Variants in PHLDB1 observed in about 807,000 individuals in gnomAD.
The protein encoded by PHLDB1 is pleckstrin homology-like domain family B member 1.
PHLDB1 carries 65 observed loss-of-function variants against 139.3 expected under a neutral mutation model. The observed-to-expected ratio is 0.47, with a 90% CI of 0.38 to 0.57. The LOEUF (loss-of-function observed/expected upper bound fraction) is 0.57. Ranked by LOEUF, PHLDB1 falls within the 20% of genes least tolerant of loss-of-function variation. The pLI is 0.00. For synonymous variants in PHLDB1, 679 were observed against 734.5 expected, an observed-to-expected ratio of 0.92 and a Z score of 1.22; for missense variants, 1,624 against 1,839.7, an observed-to-expected ratio of 0.88 and a Z score of 2.14.
chr11:118,614,801 C>A, intron 3 of PHLDB1, 119 bp downstream of exon 3: 1 of 971,314 alleles, frequency 1.0e-6, no homozygotes, highest in South Asian at 1.6e-5. Flanking sequence ...GCTCGCCTCC[C>A]CACACCACCA....
At chr11:118,638,079 A>G (rs1555116924) in intron 10 of PHLDB1, 1 of 152,256 alleles carries the variant, frequency 6.6e-6, no homozygotes, top group Non-Finnish European at 1.5e-5. Flanking sequence ...GTCTAGTCTT[A>G]GATGATAAGT....
At chr11:118,641,299 C>A in intron 12 of PHLDB1, 1 of 156,896 alleles carries the variant, frequency 6.4e-6, no homozygotes. Context: ...CCCCTTGGGC[C>A]TGGGTGGAGC....
rs569452096 is a variant in PHLDB1, at chr11:118,645,240, G to A, written c.3122-116G>A. ...CTTAGGGAAGCTGCGGGGAGAGGGG[G>A]CTGCTCTGTGTTAACCTCTCCCTGC... On this transcript the variant is annotated intron_variant, in intron 15 of 22. Transcript: ENST00000600882. This position sits in a 1 kb window ranked among gnomAD's most constrained non-coding sequence, Gnocchi z 5.1. The A allele has an allele frequency of 4.3e-6, 3 of 698,362 alleles. No homozygotes were observed. The highest frequency in any genetic ancestry group is 2.9e-5 in the East Asian group (1 of 34,180). 43.3% of individuals were successfully genotyped at this position (698,362 alleles called of 1,614,324 possible). A position where few individuals can be genotyped will look rare whatever the true frequency, so the allele number is the denominator to read the frequency against.
intron 18 of PHLDB1, 143 bp from the exon 19 acceptor site, chr11:118,649,934 G>A (rs1446525408): frequency 2.0e-5 from 14 of 694,240 alleles, no homozygotes; most frequent in Non-Finnish European, 3.2e-5. Flanking sequence ...TTTGCCATAA[G>A]CCCTGTGGAG....
chr11:118,627,765 C>G lies in PHLDB1; in HGVS notation c.942C>G (p.Ser314Arg), dbSNP rs1944121877. ...CTCGCTCCGAGAGTCCTCGGCTGAG[C>G]AGGAAAGGGGGCCATGAGAGGCCTC... Reference protein sequence around the residue: ...SGARSESPRLSRKGGHERPPS... With the variant: ...SGARSESPRLRRKGGHERPPS... The change falls in exon 6 of 23, where the codon AGC (serine) becomes AGG (arginine). Residue 314 changes from serine (S) to arginine (R), a missense_variant. Transcript: ENST00000600882. The G allele has an allele frequency of 6.2e-7, 1 of 1,606,978 alleles. No individual in the cohort carries two copies. Among genetic ancestry groups the G allele is most frequent in the East Asian group, 2.2e-5 (1 of 44,892 alleles).
chr11:118,644,545 G>T, intron 15 of PHLDB1: 1 of 658,000 alleles, frequency 1.5e-6, no homozygotes, highest in Non-Finnish European at 2.2e-6. Flanking sequence ...CTTGTTGCTT[G>T]TGTGCAATTT....
intron 4 of PHLDB1, among the ~76,000 whole-genome samples, chr11:118,623,429 G>A (rs1943204610): frequency 6.6e-6 from 1 of 152,166 alleles, no homozygotes; most frequent in Non-Finnish European, 1.5e-5. Flanking sequence ...GGTGCCCCTG[G>A]CTACATTTTC....
At chr11:118,606,556 A>G (rs1485847756), upstream of PHLDB1, 1 of 152,268 alleles carries the variant, frequency 6.6e-6, no homozygotes, top group African/African-American at 2.4e-5. Context: ...TCCTTCCTTC[A>G]GTGAAGAAGA....
intron 12 of PHLDB1, chr11:118,640,030 G>T: frequency 1.0e-6 from 1 of 983,956 alleles, no homozygotes. Flanking sequence ...TGCGTGCTCT[G>T]CTTTGCCCAC....
chr11:118,621,201 C>A (rs1209282666), intron 4 of PHLDB1, among the ~76,000 whole-genome samples: 1 of 152,212 alleles, frequency 6.6e-6, no homozygotes, highest in African/African-American at 2.4e-5. Context: ...TTCCCGCCCA[C>A]TTTTCTTCCT....
chr11:118,639,361 C>T, intron 12 of PHLDB1, 110 bp downstream of exon 12: 1 of 778,384 alleles, frequency 1.3e-6, no homozygotes, highest in Non-Finnish European at 2.3e-6. Context: ...GGGGCATCTT[C>T]CTGAATGGGA....
At position 118,644,337 on chromosome 11, in the gene PHLDB1, G is replaced by C. The variant is rs189573010; in HGVS notation, c.3121+163G>C. On this transcript the variant is annotated intron_variant, in intron 15 of 22. Coordinates refer to ENST00000600882, the MANE Select transcript of PHLDB1 (RefSeq NM_001144758.3). ...TGGGTACCTAAAGAAGAGCTTCCTG[G>C]ATATTTATCTAAAGCCTTCAGGGCA... is the stretch of plus-strand genomic sequence containing the variant. 5.3e-4 allele frequency: 325 copies of C among 616,254 alleles called. 3 individuals carry two copies. Among genetic ancestry groups the C allele is most frequent in the South Asian group, 4.0e-3 (207 of 51,200 alleles). The allele number at this position is 616,254 out of a possible 1,614,324, so 38.2% of individuals were successfully genotyped here.
At chr11:118,647,769 A>T in intron 17 of PHLDB1, 161 bp from the exon 18 acceptor site, 1 of 708,592 alleles carries the variant, frequency 1.4e-6, no homozygotes, top group Non-Finnish European at 2.3e-6. Flanking sequence ...ATTTCTCTTT[A>T]ACCAGCCAGG....
At chr11:118,622,588 T>G (rs1943051198) in intron 4 of PHLDB1, among the ~76,000 whole-genome samples, 1 of 152,006 alleles carries the variant, frequency 6.6e-6, no homozygotes, top group Admixed American at 6.6e-5. Context: ...CCTACTTGGG[T>G]GGGCCTGGGA....
At chr11:118,612,724 C>T (rs1555085138) in intron 1 of PHLDB1, among the ~76,000 whole-genome samples, 1 of 152,228 alleles carries the variant, frequency 6.6e-6, no homozygotes, top group Admixed American at 6.5e-5. Flanking sequence ...GTCAGACACT[C>T]CTTGGAATGC....
In PHLDB1 at chr11:118,645,792, T is replaced by C; in HGVS notation, c.3474T>C (p.Ala1158=). 3 of 1,613,406 alleles carry C rather than the reference T, an allele frequency of 1.9e-6. No homozygotes were observed. Among genetic ancestry groups the C allele is most frequent in the Non-Finnish European group, 2.5e-6 (3 of 1,179,514 alleles). The change falls in exon 17 of 23, where the codon GCT becomes GCC. Residue 1158 remains alanine (A), a synonymous_variant. Transcript: ENST00000600882. This position sits in a 1 kb window ranked among gnomAD's most constrained non-coding sequence, Gnocchi z 5.1. ...AGATGGAGAAGATGCTGAAAGAGGC[T>C]CATGCAGAGAAGAACCGGCTCATGG... ...IEEMEKMLKE[A]HAEKNRLMES...
chr11:118,612,383 C>G (rs1415691857), intron 1 of PHLDB1, among the ~76,000 whole-genome samples: 1 of 152,206 alleles, frequency 6.6e-6, no homozygotes, highest in African/African-American at 2.4e-5. Context: ...CCAACCCACT[C>G]TCTTGCCCCT....
intron 1 of PHLDB1, among the ~76,000 whole-genome samples, chr11:118,612,256 T>C (rs1160910615): frequency 6.6e-6 from 1 of 152,202 alleles, no homozygotes; most frequent in Non-Finnish European, 1.5e-5. Flanking sequence ...CAGGGTAGAA[T>C]TTAAGGCTTT....
Position 118,616,138 on chromosome 11 carries a change from C to A in PHLDB1, c.282C>A (p.Leu94=). 6.2e-7 allele frequency: 1 copy of A among 1,614,120 alleles called. No homozygotes were observed. ...HCYIENLRGT[L]TLYPCGNACT... ...ACATCGAGAACCTGCGGGGCACCCTCACCCTCTACCCCTGTGGCAATGCCT... is the reference window on the plus strand; with the variant it reads ...ACATCGAGAACCTGCGGGGCACCCTAACCCTCTACCCCTGTGGCAATGCCT... The change falls in exon 4 of 23, where the codon CTC becomes CTA. Residue 94 remains leucine (L), a synonymous_variant. Transcript: ENST00000600882.
Sources: gnomAD v4.1 joint callset for allele counts (sites outside exome capture counted in the v4.1 genomes callset) on GRCh38, gnomAD v4.1.1 for gene constraint, Gnocchi (gnomAD v3.1) non-coding constraint, MANE v1.5 for transcripts, NCBI Gene and HGNC (gene_info 2026-07-23, HGNC 2026-07-21) for gene names.